The following SPOCK3 variants were observed in gnomAD, a reference collection of about 807,000 sequenced individuals.
SPOCK3 encodes SPARC (osteonectin), cwcv and kazal like domains proteoglycan 3.
SPOCK3 carries 30 observed loss-of-function variants against 56.6 expected under a neutral mutation model. The observed-to-expected ratio is 0.53, with a 90% CI of 0.40 to 0.72. The LOEUF (loss-of-function observed/expected upper bound fraction) is 0.72. SPOCK3 is among the 30% of genes least tolerant of loss of function. The pLI is 0.00. For missense variants in SPOCK3, 527 were observed against 530.0 expected, an observed-to-expected ratio of 0.99 and a Z score of 0.06; for synonymous variants, 196 against 183.3, an observed-to-expected ratio of 1.07 and a Z score of -0.56.
chr4:166,894,054 A>C (rs555809759), intron 5 of SPOCK3, among the ~76,000 whole-genome samples: 63 of 152,190 alleles, frequency 4.1e-4, no homozygotes, highest in Admixed American at 2.4e-3. Context: ...ATACATACAC[A>C]CACAGGAAGT....
rs150955856 is a variant in SPOCK3, at chr4:167,119,422, T to C, written c.190-56885A>G. Among the ~76,000 whole-genome samples the C allele has an allele frequency of 7.2e-5, 11 of 152,274 alleles. No homozygotes were observed. In the East Asian group the frequency reaches 1.9e-3, roughly 27 times the overall value. On this transcript the variant is annotated intron_variant, in intron 2 of 10. Transcript: ENST00000357545. The stretch of plus-strand genomic sequence containing the variant: ...TAGGATTTGACATCCCCAAGTCTTA[T>C]AAAGAAATCTTTTGATGATTTTTAT...
chr4:166,961,528 T>C (rs890245152), intron 4 of SPOCK3, among the ~76,000 whole-genome samples: 1 of 151,030 alleles, frequency 6.6e-6, no homozygotes, highest in African/African-American at 2.5e-5. Flanking sequence ...AACCAAGATG[T>C]CATTTCCTTT....
At chr4:166,914,036 T>C (rs879452252) in intron 4 of SPOCK3, among the ~76,000 whole-genome samples, 1 of 150,638 alleles carries the variant, frequency 6.6e-6, no homozygotes, top group African/African-American at 2.4e-5. Flanking sequence ...TCAAGATTTA[T>C]AAATTACGAA....
At chr4:166,815,586 G>T (rs1744298565) in intron 6 of SPOCK3, among the ~76,000 whole-genome samples, 1 of 151,990 alleles carries the variant, frequency 6.6e-6, no homozygotes, top group South Asian at 2.1e-4. Context: ...GAGGCCAGGA[G>T]TGAGCAACAT....
intron 7 of SPOCK3, among the ~76,000 whole-genome samples, chr4:166,773,146 T>C (rs1172139831): frequency 6.6e-6 from 1 of 152,160 alleles, no homozygotes; most frequent in East Asian, 1.9e-4. Flanking sequence ...TCTCAGATCA[T>C]TGTTTCTATA....
At chr4:166,852,155 G>A (rs991391780) in intron 6 of SPOCK3, among the ~76,000 whole-genome samples, 4 of 151,920 alleles carry the variant, frequency 2.6e-5, no homozygotes, top group African/African-American at 9.7e-5. Context: ...TGTGGGTTGT[G>A]GGGAGGGGGG....
chr4:167,155,365 G>A (rs71620419), intron 2 of SPOCK3, among the ~76,000 whole-genome samples: 4,184 of 151,812 alleles, frequency 0.028, 105 homozygotes, highest in Middle Eastern at 0.068. Flanking sequence ...TGATCCACCC[G>A]CCTCGGCCTC....
chr4:166,889,809 T>G lies in SPOCK3; in HGVS notation c.475-565A>C, dbSNP rs76904934. Among the ~76,000 whole-genome samples the G allele has an allele frequency of 8.1e-3, 1,225 of 152,060 alleles. 15 individuals carry two copies. The highest frequency in any genetic ancestry group is 0.027 in the African/African-American group (1,132 of 41,530). On this transcript the variant is annotated intron_variant, in intron 5 of 10. Coordinates refer to ENST00000357545, the MANE Select transcript of SPOCK3 (RefSeq NM_001040159.2). ...ATGTGTTCATTAAATAGTTCTATAG[T>G]TACTTGTGATTTTCCACAAACATAG...
chr4:167,222,848 AATAT>A (rs1413515172), intron 2 of SPOCK3, among the ~76,000 whole-genome samples: 131 of 127,720 alleles, frequency 1.0e-3, no homozygotes, highest in African/African-American at 3.9e-3. Flanking sequence ...TTGATATGTG[AATAT>A]ATAAATATAT....
chr4:166,832,867 TA>T (rs1746223336), intron 6 of SPOCK3, among the ~76,000 whole-genome samples: 1 of 152,084 alleles, frequency 6.6e-6, no homozygotes, highest in African/African-American at 2.4e-5. Context: ...AGCATGGACA[TA>T]AAGATGGCAA....
chr4:167,003,796 T>C (rs1731918635), intron 3 of SPOCK3, among the ~76,000 whole-genome samples: 1 of 152,210 alleles, frequency 6.6e-6, no homozygotes, highest in Admixed American at 6.5e-5. Flanking sequence ...AAGTAAGTTT[T>C]TTTTGGTTGT....
intron 2 of SPOCK3, among the ~76,000 whole-genome samples, chr4:167,103,172 C>CT (rs1759809176): frequency 6.6e-6 from 1 of 151,990 alleles, no homozygotes; most frequent in Non-Finnish European, 1.5e-5. Context: ...CTAAAGAGCC[C>CT]TTGGTCACTG....
intron 2 of SPOCK3, among the ~76,000 whole-genome samples, chr4:167,096,435 A>G (rs1304102682): frequency 6.6e-6 from 1 of 151,726 alleles, no homozygotes; most frequent in African/African-American, 2.4e-5. Context: ...GCATCCTACA[A>G]ATTTGGGTAA....
chr4:167,085,621 CA>C (rs1248154403), intron 2 of SPOCK3, among the ~76,000 whole-genome samples: 2 of 152,030 alleles, frequency 1.3e-5, no homozygotes, highest in Non-Finnish European at 2.9e-5. Flanking sequence ...GTGTCATAGC[CA>C]AAAGAGAAGA....
intron 2 of SPOCK3, among the ~76,000 whole-genome samples, chr4:167,192,424 T>C (rs1305001498): frequency 1.4e-5 from 2 of 146,036 alleles, no homozygotes; most frequent in African/African-American, 5.2e-5. Context: ...TGGGCTTTTA[T>C]TTGTTGAGAG....
At chr4:166,780,641 CAGG>C (rs1740060937) in intron 7 of SPOCK3, among the ~76,000 whole-genome samples, 1 of 152,124 alleles carries the variant, frequency 6.6e-6, no homozygotes, top group African/African-American at 2.4e-5. Flanking sequence ...GGGAAAGGAT[CAGG>C]AGAATATCCT....
intron 3 of SPOCK3, among the ~76,000 whole-genome samples, chr4:167,008,049 T>C (rs1429960277): frequency 6.6e-6 from 1 of 152,118 alleles, no homozygotes. Flanking sequence ...TTCATGCAAA[T>C]TGGTAAGGCT....
intron 4 of SPOCK3, among the ~76,000 whole-genome samples, chr4:166,978,919 T>C (rs1229361970): frequency 1.3e-5 from 2 of 152,108 alleles, no homozygotes; most frequent in Admixed American, 6.5e-5. Context: ...GGGATATGAG[T>C]GCGGAAGAGG....
intron 2 of SPOCK3, among the ~76,000 whole-genome samples, chr4:167,134,430 T>C (rs1762950572): frequency 6.6e-6 from 1 of 151,962 alleles, no homozygotes; most frequent in African/African-American, 2.4e-5. Flanking sequence ...TGGCAAGGAG[T>C]ACTGATATTA....
Sources: allele counts gnomAD v4.1 joint callset (sites outside exome capture counted in the v4.1 genomes callset), GRCh38; gene constraint gnomAD v4.1.1; transcripts MANE v1.5; gene names NCBI Gene and HGNC (gene_info 2026-07-23, HGNC 2026-07-21).